Variants in SLC5A8 observed in about 807,000 individuals in gnomAD.
The protein encoded by SLC5A8 is solute carrier family 5 member 8, also known as sodium-coupled monocarboxylate transporter 1.
A neutral mutation model predicts 71.9 loss-of-function variants in SLC5A8; 55 were observed. The observed-to-expected ratio is 0.77, with a 90% CI of 0.62 to 0.96. The LOEUF is 0.96. Among genes scored for constraint, SLC5A8 ranks in the 40% least tolerant of loss-of-function variants. The pLI, the probability that SLC5A8 is intolerant of heterozygous loss-of-function variation, is 0.00. For missense variants in SLC5A8, 701 were observed against 745.3 expected, an observed-to-expected ratio of 0.94 and a Z score of 0.69; for synonymous variants, 307 against 276.1, an observed-to-expected ratio of 1.11 and a Z score of -1.11.
chr12:101,162,064 C>T lies in SLC5A8; in HGVS notation c.1540G>A (p.Asp514Asn), dbSNP rs747913314. Residue 514 changes from aspartate to asparagine, a missense_variant, in exon 13 of 15, where the codon GAT (aspartate) becomes AAT (asparagine). By Grantham distance (23) the Asp-to-Asn change is conservative. Transcript: ENST00000536262. Reference protein sequence around the residue: ...IYNVQRTPLMDNWYSLSYLYF... With the variant: ...IYNVQRTPLMNNWYSLSYLYF... ...AGATATGATAAAGAATACCAGTTAT[C>T]CATCAGTGGAGTCCTAAGAGAGCAA... 6.2e-7 allele frequency: 1 copy of T among 1,613,230 alleles called. No individual in the cohort carries two copies. Among genetic ancestry groups the T allele is most frequent in the South Asian group, 1.1e-5 (1 of 91,042 alleles).
At chr12:101,200,200 A>C (rs1235252150) in intron 3 of SLC5A8, among the ~76,000 whole-genome samples, 2 of 151,972 alleles carry the variant, frequency 1.3e-5, no homozygotes, top group East Asian at 1.9e-4. Flanking sequence ...TGGTAGCATA[A>C]CTCAGAAAAT....
chr12:101,177,442 T>TACACACACAC (rs1491440045), intron 10 of SLC5A8, among the ~76,000 whole-genome samples: 135 of 133,516 alleles, frequency 1.0e-3, no homozygotes, highest in Non-Finnish European at 1.5e-3. Flanking sequence ...AAAGGCAGTA[T>TACACACACAC]ATACACACAC....
intron 3 of SLC5A8, among the ~76,000 whole-genome samples, chr12:101,199,944 CCAAGTCTATAA>C (rs1196092394): frequency 7.5e-6 from 1 of 134,038 alleles, no homozygotes; most frequent in Non-Finnish European, 1.6e-5. Context: ...TGGAAACAAC[CCAAGTCTATAA>C]CAAGAGAATG....
Position 101,195,126 on chromosome 12 carries a change from G to C in SLC5A8, c.506C>G (p.Thr169Arg). The change falls in exon 4 of 15, where the codon ACG becomes AGG. Residue 169 changes from threonine to arginine, a missense_variant. Transcript: ENST00000536262. Reference protein sequence around the residue: ...GFDLWGAVVATGVVCTFYCTL... With the variant: ...GFDLWGAVVARGVVCTFYCTL... ...GCAGTAGAATGTGCAGACCACCCCC[G>C]TTGCCACTACCGCGCCCCACAGATC... 6.2e-7 allele frequency: 1 copy of C among 1,614,058 alleles called. No individual in the cohort carries two copies. Among genetic ancestry groups the C allele is most frequent in the Non-Finnish European group, 8.5e-7 (1 of 1,179,990 alleles).
At chr12:101,189,573 G>A (rs891461563) in intron 6 of SLC5A8, among the ~76,000 whole-genome samples, 1 of 152,090 alleles carries the variant, frequency 6.6e-6, no homozygotes, top group East Asian at 1.9e-4. Flanking sequence ...ACAGGGAGTG[G>A]TGAGCACTGC....
chr12:101,178,838 C>T (rs2051905590), intron 10 of SLC5A8, among the ~76,000 whole-genome samples: 1 of 150,248 alleles, frequency 6.7e-6, no homozygotes, highest in Non-Finnish European at 1.5e-5. Context: ...AAAAAATGCA[C>T]TTTGACAGAC....
chr12:101,174,363 G>T lies in SLC5A8; in HGVS notation c.1233+5666C>A, dbSNP rs534380732. Reference sequence around the variant, plus strand: ...ATTCTGGCAGCACTCTTAGAAGATGGATAGTGAGAATAAGCTGGTGTCATG... The same window carrying T: ...ATTCTGGCAGCACTCTTAGAAGATGTATAGTGAGAATAAGCTGGTGTCATG... On this transcript the variant is annotated intron_variant, in intron 10 of 14. Transcript: ENST00000536262. 3.9e-5 allele frequency among the ~76,000 whole-genome samples: 6 copies of T among 152,280 alleles called. 1 individual carries two copies. The highest frequency in any genetic ancestry group is 1.4e-4 in the African/African-American group (6 of 41,562).
At chr12:101,195,268 C>T (rs1869121063) in intron 3 of SLC5A8, 106 bp from the exon 4 acceptor site, 3 of 1,174,734 alleles carry the variant, frequency 2.6e-6, no homozygotes, top group Non-Finnish European at 3.7e-6. Flanking sequence ...AGGCACCTTC[C>T]TCTATACCCA....
At chr12:101,177,444 TACACACACACACACACAC>T (rs60836789) in intron 10 of SLC5A8, among the ~76,000 whole-genome samples, 10 of 94,426 alleles carry the variant, frequency 1.1e-4, no homozygotes, top group Non-Finnish European at 2.0e-4. Flanking sequence ...AGGCAGTATA[TACACACACACACACACAC>T]ACACACACAC....
intron 14 of SLC5A8, 43 bp from the exon 15 acceptor site, chr12:101,157,444 A>C (rs1175026117): frequency 6.5e-7 from 1 of 1,538,468 alleles, no homozygotes; most frequent in Non-Finnish European, 8.8e-7. Flanking sequence ...GAGAAAAAGA[A>C]GCTCTTCATT....
At chr12:101,158,785 G>A (rs1211767729) in intron 13 of SLC5A8, among the ~76,000 whole-genome samples, 1 of 150,410 alleles carries the variant, frequency 6.6e-6, no homozygotes, top group Non-Finnish European at 1.5e-5. Flanking sequence ...CAAACCATCT[G>A]CCCCGCTTCA....
At chr12:101,202,024 C>T in intron 3 of SLC5A8, 140 bp downstream of exon 3, 1 of 802,726 alleles carries the variant, frequency 1.2e-6, no homozygotes, top group Non-Finnish European at 2.0e-6. Context: ...GACACTGAAC[C>T]CATCCTGCCC....
intron 1 of SLC5A8, among the ~76,000 whole-genome samples, chr12:101,205,434 TATTATAATATAC>T (rs1173326816): frequency 1.3e-5 from 2 of 152,230 alleles, no homozygotes; most frequent in Non-Finnish European, 2.9e-5. Context: ...TTATATAATG[TATTATAATATAC>T]ATATTACAGA....
chr12:101,158,101 T>C (rs1233625867), intron 14 of SLC5A8, 148 bp downstream of exon 14: 5 of 632,514 alleles, frequency 7.9e-6, no homozygotes, highest in Non-Finnish European at 1.1e-5. Context: ...GATAGAGAGC[T>C]ATCCAACATA....
At chr12:101,200,552 C>T (rs575509596) in intron 3 of SLC5A8, among the ~76,000 whole-genome samples, 1 of 151,518 alleles carries the variant, frequency 6.6e-6, no homozygotes, top group African/African-American at 2.4e-5. Context: ...TTCTTATAAA[C>T]ACTGAAAAAA....
At chr12:101,166,443 C>T (rs1452001791) in intron 12 of SLC5A8, 51 bp downstream of exon 12, 1 of 1,508,042 alleles carries the variant, frequency 6.6e-7, no homozygotes, top group Non-Finnish European at 9.0e-7. Context: ...GGGTTCTCTA[C>T]TTGTTGCGTA....
chr12:101,190,737 T>A (rs1566319109), intron 5 of SLC5A8, 129 bp from the exon 6 acceptor site: 1 of 633,988 alleles, frequency 1.6e-6, no homozygotes, highest in East Asian at 3.4e-5. Flanking sequence ...TGTAAAAATT[T>A]ATTAATTAAT....
At chr12:101,158,550 G>GTCTCTCTCTCTCTCTCTCTCTCTC (rs372186123) in intron 13 of SLC5A8, among the ~76,000 whole-genome samples, 1 of 48,494 alleles carries the variant, frequency 2.1e-5, no homozygotes, top group Non-Finnish European at 4.4e-5. Context: ...ATAAATATGA[G>GTCTCTCTCTCTCTCTCTCTCTCTC]TCTCTCTCTC....
In SLC5A8 at chr12:101,209,481, C is replaced by G. The variant is rs955207890; in HGVS notation, c.351+17G>C. 2.2e-5 allele frequency: 32 copies of G among 1,470,236 alleles called. No homozygotes were observed. The highest frequency in any genetic ancestry group is 3.8e-5 in the Admixed American group (2 of 52,646). 91.1% of individuals were successfully genotyped at this position (1,470,236 alleles called of 1,614,324 possible). A position where few individuals can be genotyped will look rare whatever the true frequency, so the allele number is the denominator to read the frequency against. On this transcript the variant is annotated intron_variant, in intron 1 of 14. Coordinates refer to ENST00000536262, the MANE Select transcript of SLC5A8 (RefSeq NM_145913.5). The stretch of plus-strand genomic sequence containing the variant: ...TCCCCCGCGCCCTGCATGGTCCCAG[C>G]CCACCCTGCCCCTTACCTCGTAGGT...
Sources: allele counts gnomAD v4.1 joint callset (sites outside exome capture counted in the v4.1 genomes callset), GRCh38; gene constraint gnomAD v4.1.1; transcripts MANE v1.5; gene names NCBI Gene and HGNC (gene_info 2026-07-23, HGNC 2026-07-21).